The following ANK3 variants were observed in gnomAD, a reference collection of about 807,000 sequenced individuals.
ANK3 encodes ankyrin-3.
ANK3 carries 57 observed loss-of-function variants against 370.9 expected under a neutral mutation model. The ratio of observed to expected loss-of-function variants is 0.15; its 90% CI spans 0.12 to 0.19. ANK3 has a LOEUF of 0.19. ANK3 is among the 10% of genes least tolerant of loss of function. The pLI is 1.00. For synonymous variants in ANK3, 1,929 were observed against 1,946.3 expected (o/e 0.99, Z 0.23); for missense variants, 4,439 against 5,302.1 (o/e 0.84, Z 5.06).
At chr10:60,133,049 G>GAAGT (rs2094173511) in intron 25 of ANK3, among the ~76,000 whole-genome samples, 1 of 152,152 alleles carries the variant, frequency 6.6e-6, no homozygotes, top group African/African-American at 2.4e-5. Context: ...AGGTTCCTAT[G>GAAGT]AAGTACAACA....
intron 2 of ANK3, among the ~76,000 whole-genome samples, chr10:60,563,139 C>G (rs1474222070): frequency 6.6e-6 from 1 of 151,978 alleles, no homozygotes; most frequent in Non-Finnish European, 1.5e-5. Context: ...TTTAAAAAAC[C>G]AAGCTTTATA....
intron 1 of ANK3, among the ~76,000 whole-genome samples, chr10:60,363,526 AAAC>A (rs1487789510): frequency 6.6e-6 from 1 of 152,236 alleles, no homozygotes; most frequent in Admixed American, 6.5e-5. Flanking sequence ...TGTGCAACTT[AAAC>A]AACTATCTGA....
At chr10:60,712,643 C>T (rs2079725925) in intron 1 of ANK3, among the ~76,000 whole-genome samples, 2 of 152,056 alleles carry the variant, frequency 1.3e-5, no homozygotes, top group Admixed American at 1.3e-4. Flanking sequence ...GGTTTAAATG[C>T]ACAAATTAAA....
rs769960448 is a variant in ANK3 at position 60,075,476 on chromosome 10, G to T, written c.5405C>A (p.Thr1802Lys). The T allele has an allele frequency of 6.2e-7, 1 of 1,612,820 alleles. No individual in the cohort carries two copies. Among genetic ancestry groups the T allele is most frequent in the South Asian group, 1.1e-5 (1 of 91,086 alleles). The change falls in exon 37 of 44, where the codon ACA becomes AAA. Residue 1802 changes from threonine to lysine, a missense_variant. Physicochemically the swap from Thr to Lys is moderately conservative, Grantham distance 78 (BLOSUM62 -1). Transcript: ENST00000280772. ...TGCAGATATTGACGACCCAAGGGAT[G>T]TATAGAGTGCACTTGCGGAAGGAGT... ...LRTPSASALYTSLGSSISATT... is the reference protein window; with the variant it reads ...LRTPSASALYKSLGSSISATT...
chr10:60,612,857 G>A (rs570883874), intron 2 of ANK3, among the ~76,000 whole-genome samples: 1 of 152,084 alleles, frequency 6.6e-6, no homozygotes, highest in Non-Finnish European at 1.5e-5. Context: ...GGCATCACGG[G>A]CACAGAGTCA....
intron 2 of ANK3, among the ~76,000 whole-genome samples, chr10:60,432,687 A>T (rs1398146241): frequency 6.6e-6 from 1 of 152,220 alleles, no homozygotes. Context: ...CATGAGGCCA[A>T]ATATTACAGC....
At chr10:60,060,310 T>TTTAAG in intron 40 of ANK3, 2 of 184,322 alleles carry the variant, frequency 1.1e-5, no homozygotes, top group Non-Finnish European at 2.2e-5. Context: ...AGTTTATATA[T>TTTAAG]TTAAGTTTAT....
At chr10:60,620,832 A>G (rs918842940) in intron 1 of ANK3, among the ~76,000 whole-genome samples, 1 of 152,216 alleles carries the variant, frequency 6.6e-6, no homozygotes, top group Non-Finnish European at 1.5e-5. Flanking sequence ...ACCTTCTCTA[A>G]TAACAAGTAA....
intron 41 of ANK3, 112 bp downstream of exon 41, chr10:60,059,228 T>C: frequency 2.2e-6 from 2 of 895,622 alleles, no homozygotes. Context: ...GCAGGTTTTA[T>C]CCCAGAACTA....
At chr10:60,273,510 C>A (rs981227765) in intron 4 of ANK3, among the ~76,000 whole-genome samples, 3 of 152,106 alleles carry the variant, frequency 2.0e-5, no homozygotes, top group Non-Finnish European at 4.4e-5. Flanking sequence ...TCCCCATTTC[C>A]CCCTAGTAAC....
rs779890278 is a variant in ANK3, at chr10:60,134,229, G to A, written c.2841+42C>T. On this transcript the variant is annotated intron_variant, in intron 25 of 43. Transcript: ENST00000280772. ...GAGAGCTTGATTAAATCATACAAATGTAAGTTTAATGGTCAAAGGCTATTT... is the reference window on the plus strand; with the variant it reads ...GAGAGCTTGATTAAATCATACAAATATAAGTTTAATGGTCAAAGGCTATTT... 12 of 1,456,958 alleles carry A rather than the reference G, an allele frequency of 8.2e-6. No individual in the cohort carries two copies. The East Asian group carries it at 9.1e-5, about 11-fold the overall frequency. 90.3% of individuals were successfully genotyped at this position (1,456,958 alleles called of 1,614,324 possible).
chr10:60,033,209 C>T (rs1239974971), intron 43 of ANK3, among the ~76,000 whole-genome samples: 2 of 151,754 alleles, frequency 1.3e-5, no homozygotes, highest in African/African-American at 4.8e-5. Context: ...TTAAAATATA[C>T]GAAAACAGGG....
At chr10:60,113,154 G>C (rs995604575) in intron 26 of ANK3, among the ~76,000 whole-genome samples, 1 of 151,654 alleles carries the variant, frequency 6.6e-6, no homozygotes, top group African/African-American at 2.4e-5. Flanking sequence ...ACTCGGTGTG[G>C]TTTTTAACCA....
At chr10:60,111,746 T>C (rs1347362220) in intron 26 of ANK3, 2 of 456,186 alleles carry the variant, frequency 4.4e-6, no homozygotes, top group Non-Finnish European at 8.8e-6. Flanking sequence ...TGAATCATAC[T>C]GAGGAAGTGG....
chr10:60,206,333 C>T lies in ANK3; in HGVS notation c.1195-443G>A, dbSNP rs371485626. On this transcript the variant is annotated intron_variant, in intron 10 of 43. Coordinates refer to ENST00000280772, the MANE Select transcript of ANK3 (RefSeq NM_020987.5). ...ACTAAAAATACAAAAATTAGGCAGG[C>T]ATAGTGGCGTGCACCTGTAATCCCA... Among the ~76,000 whole-genome samples, 4 of 152,200 alleles carry T rather than the reference C, an allele frequency of 2.6e-5. No individual in the cohort carries two copies. The East Asian group carries it at 7.7e-4, about 29-fold the overall frequency.
intron 17 of ANK3, among the ~76,000 whole-genome samples, chr10:60,183,903 A>G (rs1229195133): frequency 6.6e-6 from 1 of 152,172 alleles, no homozygotes; most frequent in African/African-American, 2.4e-5. Flanking sequence ...GAAAACATCA[A>G]ATTAAAATAG....
At chr10:60,718,565 C>T (rs1026616233) in intron 1 of ANK3, among the ~76,000 whole-genome samples, 6 of 151,986 alleles carry the variant, frequency 3.9e-5, no homozygotes, top group African/African-American at 1.4e-4. Flanking sequence ...TCTATAAAAA[C>T]ATGTTTGTGC....
intron 2 of ANK3, among the ~76,000 whole-genome samples, chr10:60,496,089 G>C (rs980333778): frequency 1.2e-4 from 18 of 151,942 alleles, no homozygotes; most frequent in African/African-American, 3.9e-4. Flanking sequence ...AGCTCAATAT[G>C]GAATGAGTAA....
At chr10:60,550,867 G>T (rs146598495) in intron 2 of ANK3, among the ~76,000 whole-genome samples, 1 of 151,830 alleles carries the variant, frequency 6.6e-6, no homozygotes, top group Non-Finnish European at 1.5e-5. Flanking sequence ...ATGCCTTTTT[G>T]TAACTTCTGC....
Sources: gnomAD v4.1 joint callset for allele counts (sites outside exome capture counted in the v4.1 genomes callset) on GRCh38, gnomAD v4.1.1 for gene constraint, MANE v1.5 for transcripts, NCBI Gene and HGNC (gene_info 2026-07-23, HGNC 2026-07-21) for gene names.